The following OSBP2 variants were observed in gnomAD, a reference collection of about 807,000 sequenced individuals.
The protein encoded by OSBP2 is oxysterol-binding protein 2.
In OSBP2, 66 loss-of-function variants were observed where a neutral mutation model predicts 96.0. That is an observed-to-expected ratio of 0.69 (90% CI 0.56 to 0.84). The LOEUF (loss-of-function observed/expected upper bound fraction) is 0.84, where lower values mean the gene tolerates loss of function less well. OSBP2 is among the 40% of genes least tolerant of loss of function. The probability of loss-of-function intolerance (pLI) is 0.00; values close to 1 mark genes in which losing one functional copy is unlikely to be tolerated. For synonymous variants in OSBP2, 525 were observed against 520.9 expected, an observed-to-expected ratio of 1.01 and a Z score of -0.11; for missense variants, 1,038 against 1,222.7, an observed-to-expected ratio of 0.85 and a Z score of 2.25.
intron 3 of OSBP2, among the ~76,000 whole-genome samples, chr22:30,884,569 A>G (rs1403528373): frequency 6.6e-6 from 1 of 152,076 alleles, no homozygotes; most frequent in Non-Finnish European, 1.5e-5. Flanking sequence ...GTGGTGCTTG[A>G]GGGAGATGGG....
intron 2 of OSBP2, among the ~76,000 whole-genome samples, chr22:30,840,324 GAAAA>G (rs907220395): frequency 7.6e-6 from 1 of 130,996 alleles, no homozygotes; most frequent in South Asian, 2.5e-4. Flanking sequence ...AAAGAAAAAG[GAAAA>G]AAAAAAAGAA....
At chr22:30,720,953 G>A (rs1204819237) in intron 1 of OSBP2, among the ~76,000 whole-genome samples, 2 of 152,138 alleles carry the variant, frequency 1.3e-5, no homozygotes, top group Non-Finnish European at 2.9e-5. Flanking sequence ...GGCCTGGCAC[G>A]GTGGCTCACG....
At position 30,778,109 on chromosome 22, in the gene OSBP2, C is replaced by T. The variant is rs943482764; in HGVS notation, c.853+36740C>T. On this transcript the variant is annotated intron_variant, in intron 2 of 13. Coordinates refer to ENST00000332585, the MANE Select transcript of OSBP2 (RefSeq NM_030758.4). ...TCCCGGGTTCAAGAGATTCTTGTGC[C>T]TCAACCTCCCAAGTAGCTGGGACCA... is the stretch of plus-strand genomic sequence containing the variant. Among the ~76,000 whole-genome samples, 6 of 150,030 alleles carry T rather than the reference C, an allele frequency of 4.0e-5. No individual in the cohort carries two copies. In the Admixed American group the frequency reaches 4.0e-4, roughly 10 times the overall value.
rs961116902 is a variant in OSBP2, at chr22:30,871,373, G to T, written c.1107+691G>T. Among the ~76,000 whole-genome samples the T allele has an allele frequency of 5.3e-5, 8 of 152,188 alleles. No homozygotes were observed. The highest frequency in any genetic ancestry group is 1.9e-4 in the African/African-American group (8 of 41,554). Reference sequence around the variant, plus strand: ...CCCTGCTTCCCTCTTTCTGTCTGGGGAGTGTTCCCCAGAAGTGTGCGTGCT... The same window carrying T: ...CCCTGCTTCCCTCTTTCTGTCTGGGTAGTGTTCCCCAGAAGTGTGCGTGCT... On this transcript the variant is annotated intron_variant, in intron 3 of 13. Coordinates refer to ENST00000332585, the MANE Select transcript of OSBP2 (RefSeq NM_030758.4). The surrounding 1 kb of genome is among the most constrained non-coding windows in gnomAD (Gnocchi z 4.7).
intron 2 of OSBP2, among the ~76,000 whole-genome samples, chr22:30,857,984 A>G (rs531113877): frequency 1.3e-5 from 2 of 152,362 alleles, no homozygotes; most frequent in East Asian, 3.9e-4. Flanking sequence ...CACTGCAGAC[A>G]GAAGAGGCGG....
At chr22:30,785,910 G>A (rs927673673) in intron 2 of OSBP2, among the ~76,000 whole-genome samples, 7 of 152,096 alleles carry the variant, frequency 4.6e-5, no homozygotes, top group African/African-American at 1.7e-4. Context: ...AGTTTCCTGA[G>A]GCCTCCTCAG....
At chr22:30,738,434 C>G (rs146633028) in intron 1 of OSBP2, among the ~76,000 whole-genome samples, 166 of 152,224 alleles carry the variant, frequency 1.1e-3, no homozygotes, top group Middle Eastern at 0.01. Flanking sequence ...GACTGTCCTT[C>G]GAACAAAAGA....
At chr22:30,753,695 C>T (rs2090105881) in intron 2 of OSBP2, among the ~76,000 whole-genome samples, 1 of 152,202 alleles carries the variant, frequency 6.6e-6, no homozygotes, top group Non-Finnish European at 1.5e-5. Context: ...AAGGATTTTG[C>T]ATGTGATGGT....
intron 2 of OSBP2, among the ~76,000 whole-genome samples, chr22:30,775,744 TG>T (rs1237700511): frequency 6.6e-6 from 1 of 152,152 alleles, no homozygotes; most frequent in Admixed American, 6.6e-5. Context: ...TTAATTTTTG[TG>T]GGCACATATA....
chr22:30,896,122 C>T (rs1049845725), intron 12 of OSBP2, among the ~76,000 whole-genome samples: 2 of 151,654 alleles, frequency 1.3e-5, no homozygotes, highest in East Asian at 3.9e-4. Context: ...CAGGTTCAAG[C>T]GATTCTCCTG....
chr22:30,828,024 C>T (rs991069895), intron 2 of OSBP2, among the ~76,000 whole-genome samples: 13 of 152,066 alleles, frequency 8.5e-5, no homozygotes, highest in Admixed American at 6.5e-4. Context: ...CCTGGGGACC[C>T]GCTGAACTCT....
chr22:30,895,131 C>G (rs765142156), intron 12 of OSBP2, among the ~76,000 whole-genome samples: 3 of 152,042 alleles, frequency 2.0e-5, no homozygotes, highest in Non-Finnish European at 4.4e-5. Context: ...GCTCAAAGGC[C>G]CCCCCGCCAT....
chr22:30,803,478 G>C (rs1274322893), intron 2 of OSBP2, among the ~76,000 whole-genome samples: 1 of 152,228 alleles, frequency 6.6e-6, no homozygotes, highest in Non-Finnish European at 1.5e-5. Flanking sequence ...AAAGCTGTTT[G>C]CCCAGGCTGG....
intron 2 of OSBP2, among the ~76,000 whole-genome samples, chr22:30,804,051 C>T (rs958867887): frequency 2.0e-5 from 3 of 152,184 alleles, no homozygotes; most frequent in African/African-American, 7.2e-5. Context: ...TGATGGGTCA[C>T]CTCTGCCTTC....
At chr22:30,713,093 T>C (rs986574966) in intron 1 of OSBP2, among the ~76,000 whole-genome samples, 25 of 151,482 alleles carry the variant, frequency 1.7e-4, no homozygotes, top group African/African-American at 5.8e-4. Flanking sequence ...TTTTTTTTTT[T>C]TTTGAGACAG....
At chr22:30,811,537 A>G (rs1249590576) in intron 2 of OSBP2, among the ~76,000 whole-genome samples, 4 of 150,842 alleles carry the variant, frequency 2.7e-5, no homozygotes, top group Admixed American at 6.6e-5. Flanking sequence ...TTTTTAATTT[A>G]TATTTATTTA....
At chr22:30,759,262 C>T (rs934190857) in intron 2 of OSBP2, among the ~76,000 whole-genome samples, 16 of 152,100 alleles carry the variant, frequency 1.1e-4, no homozygotes, top group Non-Finnish European at 2.1e-4. Context: ...GCAGGAGAAT[C>T]GCTTGAGCCT....
At chr22:30,774,970 C>CTT (rs1406534547) in intron 2 of OSBP2, among the ~76,000 whole-genome samples, 11 of 152,202 alleles carry the variant, frequency 7.2e-5, no homozygotes, top group Admixed American at 4.6e-4. Flanking sequence ...GTTCTCATCA[C>CTT]TTAGCTTTCA....
chr22:30,843,507 A>G (rs2038802069), intron 2 of OSBP2, among the ~76,000 whole-genome samples: 3 of 150,152 alleles, frequency 2.0e-5, no homozygotes, highest in East Asian at 2.0e-4. Context: ...AAGCCACACT[A>G]TAAACAGGTG....
Sources: gnomAD v4.1 joint callset for allele counts (sites outside exome capture counted in the v4.1 genomes callset) on GRCh38, gnomAD v4.1.1 for gene constraint, Gnocchi (gnomAD v3.1) non-coding constraint, MANE v1.5 for transcripts, NCBI Gene and HGNC (gene_info 2026-07-23, HGNC 2026-07-21) for gene names.